FSD1L: variants seen among roughly 807,000 people sequenced by gnomAD.
FSD1L encodes fibronectin type III and SPRY domain containing 1 like.
In FSD1L, 45 loss-of-function variants were observed where a neutral mutation model predicts 71.6. That is an observed-to-expected ratio of 0.63 (90% confidence interval 0.49 to 0.81). The LOEUF is 0.81. Ranked by LOEUF, FSD1L falls within the 30% of genes least tolerant of loss-of-function variation. The pLI is 0.00. For synonymous variants in FSD1L, 197 were observed against 207.2 expected (o/e 0.95, Z 0.42); for missense variants, 561 against 618.1 (o/e 0.91, Z 0.98).
Position 105,551,063 on chromosome 9 carries a change from T to A in FSD1L, c.*4580T>A, listed in dbSNP as rs1837243071. On this transcript the variant is annotated 3_prime_UTR_variant, in exon 14 of 14. Coordinates refer to ENST00000481272, the MANE Select transcript of FSD1L (RefSeq NM_001145313.3). ...TGGTAAAACACATTTTTGTTAGTAT[T>A]GGAACTTTCTGGAGAACATAAGGGC... is the stretch of plus-strand genomic sequence containing the variant. 1 of 152,094 alleles carries A rather than the reference T, an allele frequency of 6.6e-6. No individual in the cohort carries two copies. The highest frequency in any genetic ancestry group is 1.5e-5 in the Non-Finnish European group (1 of 67,956). The allele number at this position is 152,094 out of a possible 1,614,324, so 9.4% of individuals were successfully genotyped here.
intron 7 of FSD1L, among the ~76,000 whole-genome samples, chr9:105,495,903 C>T (rs919769060): frequency 1.3e-5 from 2 of 149,964 alleles, no homozygotes; most frequent in Non-Finnish European, 3.0e-5. Context: ...ACCCGGGAGG[C>T]GGAGCTTGCA....
At chr9:105,452,669 G>GCCTT (rs1166449916) in intron 1 of FSD1L, among the ~76,000 whole-genome samples, 5,008 of 95,974 alleles carry the variant, frequency 0.052, 186 homozygotes, top group South Asian at 0.078. Flanking sequence ...CTGCCTGCCT[G>GCCTT]CCTTCCTTCC....
chr9:105,449,692 A>C (rs1829868046), intron 1 of FSD1L, among the ~76,000 whole-genome samples: 1 of 152,234 alleles, frequency 6.6e-6, no homozygotes, highest in African/African-American at 2.4e-5. Context: ...ATGACCACTA[A>C]AATACTGTGT....
At chr9:105,501,365 C>T (rs1833749340) in intron 7 of FSD1L, among the ~76,000 whole-genome samples, 2 of 152,070 alleles carry the variant, frequency 1.3e-5, no homozygotes, top group South Asian at 4.1e-4. Context: ...TCCTCTTGCT[C>T]TGGCTTTCAT....
chr9:105,454,292 C>A (rs913915652), intron 1 of FSD1L, among the ~76,000 whole-genome samples: 1 of 152,098 alleles, frequency 6.6e-6, no homozygotes, highest in Non-Finnish European at 1.5e-5. Flanking sequence ...AATCATTCTA[C>A]AATACTTTTA....
At chr9:105,451,181 T>G (rs1413511008) in intron 1 of FSD1L, among the ~76,000 whole-genome samples, 21 of 151,944 alleles carry the variant, frequency 1.4e-4, no homozygotes, top group Admixed American at 1.4e-3. Context: ...GGATGGTCTC[T>G]ATCTTCTGAC....
chr9:105,521,049 A>C, intron 10 of FSD1L: 1 of 1,613,106 alleles, frequency 6.2e-7, no homozygotes, highest in Non-Finnish European at 8.5e-7. Context: ...ATATCATCCT[A>C]TACTTGACAT....
chr9:105,464,402 C>A, intron 3 of FSD1L, 71 bp downstream of exon 3: 1 of 634,554 alleles, frequency 1.6e-6, no homozygotes, highest in Non-Finnish European at 2.7e-6. Flanking sequence ...CAAATATACT[C>A]TATGAATTTT....
At chr9:105,520,507 C>A in intron 10 of FSD1L, 1 of 1,110,500 alleles carries the variant, frequency 9.0e-7, no homozygotes, top group Non-Finnish European at 1.4e-6. Flanking sequence ...GGATGCTATA[C>A]TTTTTATTTT....
intron 5 of FSD1L, 117 bp from the exon 6 acceptor site, chr9:105,479,232 GTGAAT>G (rs1226427536): frequency 1.4e-6 from 1 of 735,474 alleles, no homozygotes; most frequent in African/African-American, 1.8e-5. Context: ...TTGTGTTTTG[GTGAAT>G]ATGAACTAAT....
At chr9:105,459,200 G>A (rs1234949735) in intron 1 of FSD1L, among the ~76,000 whole-genome samples, 2 of 152,134 alleles carry the variant, frequency 1.3e-5, no homozygotes, top group African/African-American at 4.8e-5. Flanking sequence ...TGCAAGCTAG[G>A]GTCAAGTTTC....
chr9:105,493,711 C>G (rs1447112458), intron 7 of FSD1L, among the ~76,000 whole-genome samples: 1 of 152,100 alleles, frequency 6.6e-6, no homozygotes, highest in South Asian at 2.1e-4. Context: ...GACAAAATCT[C>G]TCAGCATTTG....
Position 105,448,161 on chromosome 9 carries a change from T to A in FSD1L, c.-60T>A. On this transcript the variant is annotated 5_prime_UTR_variant, in exon 1 of 14. Transcript: ENST00000481272. ...GCGGTCTTGGGGTGTGCGATCTCGCTGAGCCTCCTCACACGGTTCGTCGTC... is the reference window on the plus strand; with the variant it reads ...GCGGTCTTGGGGTGTGCGATCTCGCAGAGCCTCCTCACACGGTTCGTCGTC... 6.6e-7 allele frequency: 1 copy of A among 1,526,452 alleles called. No individual in the cohort carries two copies. The highest frequency in any genetic ancestry group is 2.5e-5 in the East Asian group (1 of 39,556). 94.6% of individuals were successfully genotyped at this position (1,526,452 alleles called of 1,614,324 possible). A position where few individuals can be genotyped will look rare whatever the true frequency, so the allele number is the denominator to read the frequency against.
In FSD1L at chr9:105,551,031, T is replaced by C. The variant is rs149342892; in HGVS notation, c.*4548T>C. On this transcript the variant is annotated 3_prime_UTR_variant, in exon 14 of 14. Coordinates refer to ENST00000481272, the MANE Select transcript of FSD1L (RefSeq NM_001145313.3). ...TTGACTACGGTTAAAATAAGTCAAA[T>C]AGTAAGTGGTAAAACACATTTTTGT... The C allele has an allele frequency of 6.6e-6, 1 of 152,212 alleles. No individual in the cohort carries two copies. The highest frequency in any genetic ancestry group is 1.5e-5 in the Non-Finnish European group (1 of 67,934). The allele number at this position is 152,212 out of a possible 1,614,324, so 9.4% of individuals were successfully genotyped here.
chr9:105,541,811 C>G (rs1836633735), intron 13 of FSD1L, among the ~76,000 whole-genome samples: 1 of 152,172 alleles, frequency 6.6e-6, no homozygotes, highest in Non-Finnish European at 1.5e-5. Flanking sequence ...ACAACCAGCC[C>G]TAGCTATCAG....
At chr9:105,544,146 C>T (rs1057149886) in intron 13 of FSD1L, among the ~76,000 whole-genome samples, 1 of 152,198 alleles carries the variant, frequency 6.6e-6, no homozygotes, top group African/African-American at 2.4e-5. Context: ...GAGATGGTAT[C>T]TCATTGTAGT....
intron 4 of FSD1L, among the ~76,000 whole-genome samples, chr9:105,468,696 T>C (rs943528690): frequency 1.2e-4 from 19 of 152,244 alleles, no homozygotes; most frequent in African/African-American, 4.6e-4. Flanking sequence ...GGTTTCACCA[T>C]GTTGGCCAGG....
intron 5 of FSD1L, among the ~76,000 whole-genome samples, chr9:105,476,933 A>C (rs1210231346): frequency 1.3e-5 from 2 of 152,132 alleles, no homozygotes; most frequent in Non-Finnish European, 2.9e-5. Context: ...TTTGAACCTA[A>C]ATGAAAGTGG....
intron 10 of FSD1L, chr9:105,523,541 G>C: frequency 6.2e-7 from 1 of 1,612,692 alleles, no homozygotes. Flanking sequence ...AACTTTGGCA[G>C]AATCTAGCTA....
Sources: gnomAD v4.1 joint callset for allele counts (sites outside exome capture counted in the v4.1 genomes callset) on GRCh38, gnomAD v4.1.1 for gene constraint, MANE v1.5 for transcripts, NCBI Gene and HGNC (gene_info 2026-07-23, HGNC 2026-07-21) for gene names.